The following MEIS2 variants were observed in gnomAD, a reference collection of about 807,000 sequenced individuals.
MEIS2 encodes the protein Meis homeobox 2.
MEIS2 carries 9 observed loss-of-function variants against 58.6 expected under a neutral mutation model. That is an observed-to-expected ratio of 0.15 (90% CI 0.09 to 0.27). MEIS2 has a LOEUF of 0.27. Ranked by LOEUF, MEIS2 falls within the 10% of genes least tolerant of loss-of-function variation. The probability of loss-of-function intolerance (pLI) is 1.00; values close to 1 mark genes in which losing one functional copy is unlikely to be tolerated. For missense variants in MEIS2, 427 were observed against 635.0 expected (o/e 0.67, Z 3.52); for synonymous variants, 221 against 228.4 (o/e 0.97, Z 0.29).
At chr15:37,073,020 A>C (rs1207565683) in intron 7 of MEIS2, among the ~76,000 whole-genome samples, 2 of 152,044 alleles carry the variant, frequency 1.3e-5, no homozygotes, top group Admixed American at 1.3e-4. Flanking sequence ...CTTGCTGAGG[A>C]AAGAGATCAC....
intron 7 of MEIS2, among the ~76,000 whole-genome samples, chr15:37,079,659 G>C (rs191021060): frequency 1.1e-4 from 16 of 152,234 alleles, no homozygotes; most frequent in Admixed American, 1.0e-3. Context: ...GATATTTGTA[G>C]GTTTCAACAC....
chr15:37,009,868 T>C (rs1240395102), intron 8 of MEIS2, among the ~76,000 whole-genome samples: 1 of 152,292 alleles, frequency 6.6e-6, no homozygotes, highest in East Asian at 1.9e-4. Context: ...ACAGAGTAAA[T>C]ATGGATATGA....
upstream of MEIS2, chr15:37,101,132 AC>A (rs1251729243): frequency 1.3e-5 from 2 of 151,580 alleles, no homozygotes; most frequent in Non-Finnish European, 2.9e-5. Context: ...AGATCCAGCA[AC>A]CTTGTCAATA....
At chr15:37,098,377 G>GGGGAGAGA (rs1555474066) in intron 1 of MEIS2, 178 bp from the exon 2 acceptor site, 34 of 490,614 alleles carry the variant, frequency 6.9e-5, no homozygotes, top group African/African-American at 4.6e-4. Context: ...AGGAGGAGAG[G>GGGGAGAGA]GGGAGAGAGA....
intron 9 of MEIS2, among the ~76,000 whole-genome samples, chr15:36,936,189 T>TTTTC (rs1419389473): frequency 6.7e-6 from 1 of 149,784 alleles, no homozygotes; most frequent in Non-Finnish European, 1.5e-5. Context: ...GGGAGGTGCA[T>TTTTC]TTTCTTTCTT....
chr15:36,961,240 T>C (rs889820562), intron 8 of MEIS2, among the ~76,000 whole-genome samples: 2 of 152,118 alleles, frequency 1.3e-5, no homozygotes, highest in African/African-American at 4.8e-5. Flanking sequence ...AACTGATTAG[T>C]AAATGGAGCA....
intron 8 of MEIS2, among the ~76,000 whole-genome samples, chr15:37,023,911 CTTTTT>C (rs35244111): frequency 0.015 from 1,482 of 101,506 alleles, 33 homozygotes; most frequent in African/African-American, 0.052. Context: ...TTTTCTCTCT[CTTTTT>C]TTTTTTTTTT....
chr15:37,096,755 A>T (rs968060316), intron 2 of MEIS2, among the ~76,000 whole-genome samples: 1 of 152,084 alleles, frequency 6.6e-6, no homozygotes, highest in Non-Finnish European at 1.5e-5. Context: ...GCCCGAGTCG[A>T]TTCTGATCCA....
At chr15:36,901,175 G>A (rs2056452234) in intron 9 of MEIS2, 1 of 152,230 alleles carries the variant, frequency 6.6e-6, no homozygotes. Flanking sequence ...ACATGAAAAG[G>A]CCCTGCTTCC....
rs546167586 is a variant in MEIS2 at position 36,911,271 on chromosome 15, G to A, written c.978-14585C>T. ...ACCGAAGAATAATCTTAAGAATAAC[G>A]TGTGTGTGTGTGTGTGTGTATGTAT... On this transcript the variant is annotated intron_variant, in intron 9 of 11. Transcript: ENST00000561208. Among the ~76,000 whole-genome samples the A allele has an allele frequency of 3.9e-4, 17 of 43,130 alleles. No individual in the cohort carries two copies. In the East Asian group the frequency reaches 0.014, roughly 35 times the overall value. 28.3% of individuals were successfully genotyped at this position (43,130 alleles called of 152,430 possible).
chr15:37,080,485 T>A (rs907318033), intron 7 of MEIS2, among the ~76,000 whole-genome samples: 11 of 152,198 alleles, frequency 7.2e-5, no homozygotes, highest in African/African-American at 2.4e-4. Flanking sequence ...TCTAAGGCTC[T>A]CAAAGTGCTC....
chr15:36,923,829 G>A (rs1243954197), intron 9 of MEIS2, among the ~76,000 whole-genome samples: 1 of 152,150 alleles, frequency 6.6e-6, no homozygotes, highest in Admixed American at 6.5e-5. Flanking sequence ...TACCGTAGCT[G>A]TTTTAAACAG....
At chr15:37,005,935 T>C (rs2060906581) in intron 8 of MEIS2, among the ~76,000 whole-genome samples, 1 of 152,248 alleles carries the variant, frequency 6.6e-6, no homozygotes, top group Non-Finnish European at 1.5e-5. Context: ...ACAAGTTATT[T>C]CTACGTATGT....
At chr15:36,950,761 C>T (rs1185182359) in intron 8 of MEIS2, among the ~76,000 whole-genome samples, 1 of 152,192 alleles carries the variant, frequency 6.6e-6, no homozygotes, top group East Asian at 1.9e-4. Context: ...TACTCTCCTC[C>T]CTAGACAGCC....
intron 9 of MEIS2, among the ~76,000 whole-genome samples, chr15:36,938,310 C>G (rs1344956314): frequency 1.3e-5 from 2 of 152,148 alleles, no homozygotes; most frequent in African/African-American, 2.4e-5. Flanking sequence ...TTATTCTGAC[C>G]TCTTTCCCTA....
chr15:37,092,511 T>TTTAGGC (rs1163230074), intron 6 of MEIS2, among the ~76,000 whole-genome samples: 1 of 151,900 alleles, frequency 6.6e-6, no homozygotes, highest in African/African-American at 2.4e-5. Flanking sequence ...GCTTATATTA[T>TTTAGGC]TTAGGCTGTG....
chr15:37,055,394 T>A (rs1398359021), intron 7 of MEIS2, among the ~76,000 whole-genome samples: 1 of 152,084 alleles, frequency 6.6e-6, no homozygotes, highest in African/African-American at 2.4e-5. Flanking sequence ...ATAAAATAAA[T>A]ATAATTCTTC....
At chr15:37,026,076 T>C (rs902614846) in intron 8 of MEIS2, among the ~76,000 whole-genome samples, 2 of 152,122 alleles carry the variant, frequency 1.3e-5, no homozygotes, top group African/African-American at 4.8e-5. Context: ...AGGAAGGGTT[T>C]AAAACAAGTA....
At chr15:37,050,473 C>T (rs534891479) in intron 7 of MEIS2, among the ~76,000 whole-genome samples, 27 of 152,144 alleles carry the variant, frequency 1.8e-4, no homozygotes, top group African/African-American at 6.3e-4. Flanking sequence ...ATAGAGTTGA[C>T]GTGTCATAAA....
Sources: allele counts gnomAD v4.1 joint callset (sites outside exome capture counted in the v4.1 genomes callset), GRCh38; gene constraint gnomAD v4.1.1; transcripts MANE v1.5; gene names NCBI Gene and HGNC (gene_info 2026-07-23, HGNC 2026-07-21).